SLCO3A1: variants seen among roughly 807,000 people sequenced by gnomAD.
The protein encoded by SLCO3A1 is PGE1 transporter.
Under a neutral mutation model 63.1 loss-of-function variants are expected in SLCO3A1, and 27 were observed. The ratio of observed to expected loss-of-function variants is 0.43; its 90% CI spans 0.32 to 0.59. The LOEUF (loss-of-function observed/expected upper bound fraction) is 0.59, where lower values mean the gene tolerates loss of function less well. Among genes scored for constraint, SLCO3A1 ranks in the 20% least tolerant of loss-of-function variants. The pLI, the probability that SLCO3A1 is intolerant of heterozygous loss-of-function variation, is 0.09. For synonymous variants in SLCO3A1, 473 were observed against 409.9 expected, an observed-to-expected ratio of 1.15 and a Z score of -1.86; for missense variants, 773 against 945.8, an observed-to-expected ratio of 0.82 and a Z score of 2.40.
At chr15:91,977,235 TG>T (rs1262745037) in intron 2 of SLCO3A1, among the ~76,000 whole-genome samples, 1 of 152,174 alleles carries the variant, frequency 6.6e-6, no homozygotes, top group African/African-American at 2.4e-5. Context: ...CATTGCCACC[TG>T]GGGGGTGACA....
intron 4 of SLCO3A1, among the ~76,000 whole-genome samples, chr15:92,106,058 C>G (rs2047663878): frequency 6.6e-6 from 1 of 152,194 alleles, no homozygotes; most frequent in Admixed American, 6.5e-5. Context: ...AACACAGTTC[C>G]TCACTGCCAG....
intron 4 of SLCO3A1, among the ~76,000 whole-genome samples, chr15:92,106,776 T>C (rs1361118035): frequency 6.6e-6 from 1 of 151,984 alleles, no homozygotes; most frequent in African/African-American, 2.4e-5. Flanking sequence ...GCACAGGTGG[T>C]TACAGAAATG....
intron 1 of SLCO3A1, among the ~76,000 whole-genome samples, chr15:91,858,730 T>G (rs1235908649): frequency 2.6e-5 from 4 of 152,234 alleles, no homozygotes; most frequent in African/African-American, 9.6e-5. Context: ...GGGCTGCTTC[T>G]TGCACGAAGT....
At chr15:92,087,675 T>A (rs560869874) in intron 2 of SLCO3A1, among the ~76,000 whole-genome samples, 7 of 151,654 alleles carry the variant, frequency 4.6e-5, no homozygotes, top group Non-Finnish European at 8.8e-5. Context: ...TGTACCACCA[T>A]GCCCAGCTAA....
Position 92,164,946 on chromosome 15 carries a change from C to T in SLCO3A1, c.*1811C>T, listed in dbSNP as rs531418661. On this transcript the variant is annotated 3_prime_UTR_variant, in exon 10 of 10. Coordinates refer to ENST00000318445, the MANE Select transcript of SLCO3A1 (RefSeq NM_013272.4). ...ACCTTTGTTCATGTCACATTCCTGGCGCTGGAAAAAAAACTCAAAGGTTGA... is the reference window on the plus strand; with the variant it reads ...ACCTTTGTTCATGTCACATTCCTGGTGCTGGAAAAAAAACTCAAAGGTTGA... 1.1e-5 allele frequency: 11 copies of T among 980,022 alleles called. No homozygotes were observed. The highest frequency in any genetic ancestry group is 5.3e-4 in the Middle Eastern group (1 of 1,904). The allele number at this position is 980,022 out of a possible 1,614,324, so 60.7% of individuals were successfully genotyped here.
At chr15:92,041,661 G>C (rs1252690685) in intron 2 of SLCO3A1, among the ~76,000 whole-genome samples, 5 of 152,074 alleles carry the variant, frequency 3.3e-5, no homozygotes, top group Non-Finnish European at 7.4e-5. Context: ...AGAATCTGAG[G>C]GATCTTCCAC....
rs1482301869 is a variant in SLCO3A1 at position 91,882,104 on chromosome 15, G to A, written c.180+28016G>A. ...AGGACATCCCCTTAGTTGCCTAGAA[G>A]GGAAGCAGTGCATTCCAGGATCAGG... is the stretch of plus-strand genomic sequence containing the variant. On this transcript the variant is annotated intron_variant, in intron 1 of 9. Coordinates refer to ENST00000318445, the MANE Select transcript of SLCO3A1 (RefSeq NM_013272.4). The surrounding 1 kb of genome is among the most constrained non-coding windows in gnomAD (Gnocchi z 4.4). Among the ~76,000 whole-genome samples, 1 of 152,152 alleles carries A rather than the reference G, an allele frequency of 6.6e-6. No individual in the cohort carries two copies. The highest frequency in any genetic ancestry group is 1.5e-5 in the Non-Finnish European group (1 of 68,040).
chr15:91,936,548 C>T (rs559764020), intron 2 of SLCO3A1, among the ~76,000 whole-genome samples: 64 of 152,266 alleles, frequency 4.2e-4, no homozygotes, highest in African/African-American at 1.5e-3. Context: ...TTGATGACTG[C>T]GTGTTTTATT....
At chr15:91,983,365 A>G in intron 2 of SLCO3A1, among the ~76,000 whole-genome samples, 1 of 152,170 alleles carries the variant, frequency 6.6e-6, no homozygotes, top group Non-Finnish European at 1.5e-5. Context: ...ATTTATTTCT[A>G]GAGAAGTTCT....
At chr15:91,997,454 A>G (rs1164516388) in intron 2 of SLCO3A1, among the ~76,000 whole-genome samples, 1 of 152,198 alleles carries the variant, frequency 6.6e-6, no homozygotes, top group Non-Finnish European at 1.5e-5. Context: ...CAGATCCAGC[A>G]CTATTCCTGT....
At chr15:91,985,663 C>T (rs114798480) in intron 2 of SLCO3A1, among the ~76,000 whole-genome samples, 4,682 of 152,240 alleles carry the variant, frequency 0.031, 259 homozygotes, top group African/African-American at 0.11. Context: ...ATGGTCCTTA[C>T]GTCAGACAAT....
At chr15:92,133,276 T>A (rs542841474) in intron 7 of SLCO3A1, among the ~76,000 whole-genome samples, 1 of 146,746 alleles carries the variant, frequency 6.8e-6, no homozygotes, top group East Asian at 1.9e-4. Context: ...CTATAAATTG[T>A]GTCTTTCTTG....
Position 92,147,004 on chromosome 15 carries a change from C to A in SLCO3A1, c.1533C>A (p.Cys511Ter). ...TTCAGAATCTCACGGGCTGTGCGTG[C>A]CTCACCACCGTCCCTGCTGAGAACG... ...CNSTNLTGCACLTTVPAENAT... is the reference protein window; with the variant it reads ...CNSTNLTGCA Residue 511 changes from cysteine to a stop codon, truncating the protein, a stop_gained, in exon 8 of 10, where the codon TGC becomes TGA. Transcript: ENST00000318445. LOFTEE classifies it high-confidence loss of function. The A allele has an allele frequency of 1.2e-6, 2 of 1,613,228 alleles. No homozygotes were observed. Among genetic ancestry groups the A allele is most frequent in the South Asian group, 1.1e-5 (1 of 90,948 alleles).
At position 91,853,878 on chromosome 15, in the gene SLCO3A1, C is replaced by T; in HGVS notation, c.-31C>T. ...CCCGGGGCGAGCGGGAAAGCGGCAG[C>T]GGCGGCGGCGGCGGCGGCGGCGGGG... is the stretch of plus-strand genomic sequence containing the variant. On this transcript the variant is annotated 5_prime_UTR_variant, in exon 1 of 10. Coordinates refer to ENST00000318445, the MANE Select transcript of SLCO3A1 (RefSeq NM_013272.4). The T allele has an allele frequency of 3.1e-6, 2 of 649,846 alleles. No individual in the cohort carries two copies. Among genetic ancestry groups the T allele is most frequent in the South Asian group, 4.3e-5 (1 of 23,388 alleles). 40.3% of individuals were successfully genotyped at this position (649,846 alleles called of 1,614,324 possible). A position where few individuals can be genotyped will look rare whatever the true frequency, so the allele number is the denominator to read the frequency against.
chr15:92,115,744 T>C (rs2047786674), intron 4 of SLCO3A1, among the ~76,000 whole-genome samples: 1 of 147,636 alleles, frequency 6.8e-6, no homozygotes, highest in Non-Finnish European at 1.5e-5. Context: ...AAGCCTCCTC[T>C]TTCAGCTCTA....
At chr15:92,019,248 C>T (rs1485650366) in intron 2 of SLCO3A1, among the ~76,000 whole-genome samples, 1 of 152,130 alleles carries the variant, frequency 6.6e-6, no homozygotes, top group Non-Finnish European at 1.5e-5. Context: ...CACTTACCAG[C>T]TCTGTGACCC....
intron 2 of SLCO3A1, among the ~76,000 whole-genome samples, chr15:92,019,503 C>T (rs1050394127): frequency 2.6e-5 from 4 of 152,218 alleles, no homozygotes; most frequent in African/African-American, 9.6e-5. Context: ...CTGCCCTAGG[C>T]CCAGGAGAGC....
At position 91,976,995 on chromosome 15, in the gene SLCO3A1, C is replaced by T. The variant is rs939454417; in HGVS notation, c.646+60537C>T. On this transcript the variant is annotated intron_variant, in intron 2 of 9. Coordinates refer to ENST00000318445, the MANE Select transcript of SLCO3A1 (RefSeq NM_013272.4). Reference sequence around the variant, plus strand: ...TCAGGAGACAGGGTTTTGAGATCAACCAGTCTGACCAAAATTTATTAGGTG... The same window carrying T: ...TCAGGAGACAGGGTTTTGAGATCAATCAGTCTGACCAAAATTTATTAGGTG... Among the ~76,000 whole-genome samples, 4 of 152,232 alleles carry T rather than the reference C, an allele frequency of 2.6e-5. No homozygotes were observed. The East Asian group carries it at 7.7e-4, about 29-fold the overall frequency.
At chr15:92,000,394 C>CTTTTTT (rs548728965) in intron 2 of SLCO3A1, among the ~76,000 whole-genome samples, 1 of 145,452 alleles carries the variant, frequency 6.9e-6, no homozygotes, top group African/African-American at 2.6e-5. Flanking sequence ...TGTTTTTTTC[C>CTTTTTT]TTTTTTTTTA....
Sources: allele counts gnomAD v4.1 joint callset (sites outside exome capture counted in the v4.1 genomes callset), GRCh38; gene constraint gnomAD v4.1.1; non-coding constraint Gnocchi (gnomAD v3.1); transcripts MANE v1.5; gene names NCBI Gene and HGNC (gene_info 2026-07-23, HGNC 2026-07-21).